PDE1C: variants seen among roughly 807,000 people sequenced by gnomAD.
PDE1C encodes dual specificity calcium/calmodulin-dependent 3',5'-cyclic nucleotide phosphodiesterase 1C.
In PDE1C, 62 loss-of-function variants were observed where a neutral mutation model predicts 93.1. The ratio of observed to expected loss-of-function variants is 0.67; its 90% CI spans 0.54 to 0.82. The LOEUF is 0.82. Among genes scored for constraint, PDE1C ranks in the 40% least tolerant of loss-of-function variants. The pLI, the probability that PDE1C is intolerant of heterozygous loss-of-function variation, is 0.00. For synonymous variants in PDE1C, 325 were observed against 310.1 expected (o/e 1.05, Z -0.50); for missense variants, 742 against 884.6 (o/e 0.84, Z 2.04).
At chr7:32,290,163 A>G (rs1227892968) in intron 1 of PDE1C, among the ~76,000 whole-genome samples, 1 of 152,102 alleles carries the variant, frequency 6.6e-6, no homozygotes, top group Non-Finnish European at 1.5e-5. Flanking sequence ...GCTCTCCCCA[A>G]AGCAGCTGGC....
intron 1 of PDE1C, among the ~76,000 whole-genome samples, chr7:32,059,737 G>T (rs930428112): frequency 6.6e-6 from 1 of 152,058 alleles, no homozygotes; most frequent in Non-Finnish European, 1.5e-5. Flanking sequence ...CTAGCTAAAA[G>T]CCTTTTGCTC....
At chr7:31,814,780 C>T (rs1007540028) in intron 15 of PDE1C, among the ~76,000 whole-genome samples, 2 of 150,218 alleles carry the variant, frequency 1.3e-5, no homozygotes, top group African/African-American at 2.5e-5. Flanking sequence ...CTGAAGGTTC[C>T]ATGAGGCCTG....
chr7:31,624,864 A>T, the PDE1C span, among the ~76,000 whole-genome samples: 11 of 152,370 alleles, frequency 7.2e-5, no homozygotes, highest in African/African-American at 2.6e-4. Flanking sequence ...AATTTTCGCA[A>T]CCTATTCATC....
intron 2 of PDE1C, among the ~76,000 whole-genome samples, chr7:32,051,089 G>A (rs1793291314): frequency 1.3e-5 from 2 of 152,148 alleles, no homozygotes; most frequent in South Asian, 4.1e-4. Context: ...CAGTCAAATC[G>A]AAAGACTGCC....
At chr7:32,036,142 C>G (rs1256808609) in intron 2 of PDE1C, among the ~76,000 whole-genome samples, 1 of 152,108 alleles carries the variant, frequency 6.6e-6, no homozygotes, top group Non-Finnish European at 1.5e-5. Flanking sequence ...GACTTTTTCT[C>G]CTATAAATGG....
intron 2 of PDE1C, among the ~76,000 whole-genome samples, chr7:31,953,776 C>G (rs554181920): frequency 6.6e-6 from 1 of 151,340 alleles, no homozygotes. Flanking sequence ...TGGTCTCTTA[C>G]GTGAAAAAGT....
intron 2 of PDE1C, among the ~76,000 whole-genome samples, chr7:31,887,855 A>G (rs1033014388): frequency 6.6e-6 from 1 of 152,262 alleles, no homozygotes; most frequent in Non-Finnish European, 1.5e-5. Context: ...AGATTTCTAA[A>G]TAACCCATAG....
intron 1 of PDE1C, among the ~76,000 whole-genome samples, chr7:32,313,022 T>C (rs189769654): frequency 9.2e-5 from 14 of 151,844 alleles, no homozygotes; most frequent in Admixed American, 9.2e-4. Context: ...AGGGCTAATA[T>C]CCAGAATCTA....
chr7:31,939,332 C>T (rs1442282214), intron 2 of PDE1C, among the ~76,000 whole-genome samples: 1 of 152,078 alleles, frequency 6.6e-6, no homozygotes, highest in Non-Finnish European at 1.5e-5. Context: ...AATGAATAGA[C>T]CACACCGCTG....
intron 1 of PDE1C, among the ~76,000 whole-genome samples, chr7:32,340,481 G>A (rs779761192): frequency 4.6e-5 from 7 of 152,190 alleles, no homozygotes; most frequent in Non-Finnish European, 7.3e-5. Flanking sequence ...TAAAGGTGGA[G>A]TGGAACGCAC....
chr7:31,823,168 T>C lies in PDE1C; in HGVS notation c.1487A>G (p.Asn496Ser), dbSNP rs1396966423. 1.2e-6 allele frequency: 2 copies of C among 1,613,286 alleles called. No homozygotes were observed. Among genetic ancestry groups the C allele is most frequent in the African/African-American group, 2.7e-5 (2 of 74,862 alleles). Reference sequence around the variant, plus strand: ...CTTATAGTCAACGGAGATGACAGAATTGTTGATCGGGGCACTTCCCTCTGA... The same window carrying C: ...CTTATAGTCAACGGAGATGACAGAACTGTTGATCGGGGCACTTCCCTCTGA... ...SGSEGSAPIN[N>S]SVISVDYKSF... Residue 496 changes from asparagine to serine, a missense_variant, in exon 14 of 18, where the codon AAT becomes AGT. Physicochemically the swap from Asn to Ser is conservative, Grantham distance 46. Transcript: ENST00000396191.
intron 1 of PDE1C, among the ~76,000 whole-genome samples, chr7:32,243,778 T>C (rs190229072): frequency 1.3e-5 from 2 of 152,306 alleles, no homozygotes; most frequent in East Asian, 3.9e-4. Flanking sequence ...CATTTGAAGA[T>C]AGTTATGAAG....
At chr7:32,126,897 A>G (rs1381497743) in intron 3 of PDE1C, among the ~76,000 whole-genome samples, 1 of 151,864 alleles carries the variant, frequency 6.6e-6, no homozygotes, top group Non-Finnish European at 1.5e-5. Context: ...TTGTGTGTCA[A>G]TGTGACTGGG....
chr7:32,389,232 T>TTGTC (rs1360749055), intron 1 of PDE1C, among the ~76,000 whole-genome samples: 1 of 144,228 alleles, frequency 6.9e-6, no homozygotes, highest in Non-Finnish European at 1.5e-5. Flanking sequence ...GTTTGTTTGT[T>TTGTC]TGTTATGGAG....
chr7:32,246,133 T>C (rs182756510), intron 1 of PDE1C, among the ~76,000 whole-genome samples: 4 of 152,080 alleles, frequency 2.6e-5, no homozygotes, highest in African/African-American at 7.2e-5. Flanking sequence ...CACTCCCAGC[T>C]AATTTTTTTA....
chr7:32,260,354 C>A (rs1810108220), intron 1 of PDE1C, among the ~76,000 whole-genome samples: 2 of 152,180 alleles, frequency 1.3e-5, no homozygotes, highest in African/African-American at 2.4e-5. Flanking sequence ...TTCACTTTTG[C>A]AAAATAGGAA....
At chr7:31,877,009 C>G (rs2128872414) in intron 5 of PDE1C, among the ~76,000 whole-genome samples, 1 of 152,326 alleles carries the variant, frequency 6.6e-6, no homozygotes, top group Middle Eastern at 3.4e-3. Flanking sequence ...TCCCCACCCC[C>G]TAACTCCATG....
intron 2 of PDE1C, among the ~76,000 whole-genome samples, chr7:31,959,235 C>G (rs1349124182): frequency 1.3e-5 from 2 of 152,018 alleles, no homozygotes; most frequent in African/African-American, 2.4e-5. Flanking sequence ...TTTTGAGACA[C>G]AGTCTCACTC....
At chr7:31,618,888 T>C in the PDE1C span, among the ~76,000 whole-genome samples, 2 of 152,226 alleles carry the variant, frequency 1.3e-5, no homozygotes, top group South Asian at 2.1e-4. Context: ...GTTGTGCACA[T>C]TGCATGTTAT....
Sources: allele counts gnomAD v4.1 joint callset (sites outside exome capture counted in the v4.1 genomes callset), GRCh38; gene constraint gnomAD v4.1.1; transcripts MANE v1.5; gene names NCBI Gene and HGNC (gene_info 2026-07-23, HGNC 2026-07-21).